Variants in RAD17 observed in about 807,000 individuals in gnomAD.
RAD17 encodes the protein RAD17 checkpoint clamp loader component.
Under a neutral mutation model 81.5 loss-of-function variants are expected in RAD17, and 31 were observed. That is an observed-to-expected ratio of 0.38 (90% confidence interval 0.29 to 0.51). The LOEUF (loss-of-function observed/expected upper bound fraction) is 0.51. RAD17 is among the 20% of genes least tolerant of loss of function. The probability of loss-of-function intolerance (pLI) is 0.88; values close to 1 mark genes in which losing one functional copy is unlikely to be tolerated. For missense variants in RAD17, 681 were observed against 781.2 expected (o/e 0.87, Z 1.53); for synonymous variants, 261 against 266.2 (o/e 0.98, Z 0.19).
At chr5:69,401,420 C>G (rs1016504655) in intron 17 of RAD17, among the ~76,000 whole-genome samples, 3 of 151,994 alleles carry the variant, frequency 2.0e-5, no homozygotes, top group Non-Finnish European at 4.4e-5. Flanking sequence ...CATTTTTTTC[C>G]AATTTGTAAA....
intron 17 of RAD17, among the ~76,000 whole-genome samples, chr5:69,401,453 G>T (rs569497402): frequency 2.4e-4 from 36 of 151,938 alleles, no homozygotes; most frequent in Non-Finnish European, 4.6e-4. Context: ...CCTTATGATG[G>T]ATATTTTGGT....
Position 69,389,029 on chromosome 5 carries a change from T to A in RAD17, c.895-5T>A, listed in dbSNP as rs757736673. On this transcript the variant is annotated splice_region_variant and splice_polypyrimidine_tract_variant and intron_variant, in intron 11 of 18. Transcript: ENST00000354868. ...TTTTTTTTAAATTTAATTTTCTTAT[T>A]TTAGAATGGAGGAAAAATTACTGTC... 3 of 1,428,440 alleles carry A rather than the reference T, an allele frequency of 2.1e-6. No individual in the cohort carries two copies. Among genetic ancestry groups the A allele is most frequent in the Non-Finnish European group, 2.8e-6 (3 of 1,069,834 alleles). The allele number at this position is 1,428,440 out of a possible 1,614,324, so 88.5% of individuals were successfully genotyped here.
At chr5:69,393,873 C>A (rs1248976977) in intron 15 of RAD17, among the ~76,000 whole-genome samples, 1 of 125,750 alleles carries the variant, frequency 8.0e-6, no homozygotes, top group Non-Finnish European at 1.6e-5. Context: ...ACTCCTGTCT[C>A]TAAATTTTCT....
chr5:69,385,181 C>T (rs997866376), intron 8 of RAD17, among the ~76,000 whole-genome samples: 3 of 150,896 alleles, frequency 2.0e-5, no homozygotes, highest in East Asian at 2.0e-4. Flanking sequence ...AGGATGGTCT[C>T]GATCTCCTGA....
chr5:69,377,439 GTATATATATATATATA>G (rs373632198), intron 6 of RAD17, among the ~76,000 whole-genome samples: 27,594 of 55,348 alleles, frequency 0.5, 6,448 homozygotes, highest in Non-Finnish European at 0.57. Flanking sequence ...GTGTGTGTGT[GTATATATATATATATA>G]TATATATATA....
chr5:69,385,264 A>G (rs1764132825), intron 8 of RAD17, among the ~76,000 whole-genome samples: 3 of 114,986 alleles, frequency 2.6e-5, no homozygotes, highest in Non-Finnish European at 5.7e-5. Context: ...CTGGCCTAAA[A>G]TCTTTTTTTT....
upstream of RAD17, chr5:69,369,321 C>T (rs1158566614): frequency 9.2e-6 from 8 of 871,596 alleles, no homozygotes; most frequent in Admixed American, 2.0e-4. Context: ...GGTCGGCTCC[C>T]GGGGCGCTGA....
chr5:69,370,029 C>G, intron 1 of RAD17, 96 bp downstream of exon 1: 1 of 362,628 alleles, frequency 2.8e-6, no homozygotes, highest in South Asian at 4.0e-5. Context: ...GTCGCTCCTC[C>G]TCCCGACCCG....
In RAD17 at chr5:69,397,053, C is replaced by T. The variant is rs1292802944; in HGVS notation, c.1572+507C>T. On this transcript the variant is annotated intron_variant, in intron 16 of 18. Coordinates refer to ENST00000354868, the MANE Select transcript of RAD17 (RefSeq NM_133338.3). ...TTCACCATGTTGGCCAGGTTGGTCT[C>T]GATCTTTGGACCTCATGATCCTCTT... is the stretch of plus-strand genomic sequence containing the variant. Among the ~76,000 whole-genome samples the T allele has an allele frequency of 2.6e-5, 4 of 152,062 alleles. No homozygotes were observed. The South Asian group carries it at 6.2e-4, about 24-fold the overall frequency.
chr5:69,386,771 C>G (rs17229950), intron 11 of RAD17, among the ~76,000 whole-genome samples: 1,830 of 152,166 alleles, frequency 0.012, 16 homozygotes, highest in Non-Finnish European at 0.018. Flanking sequence ...ATCAACAATT[C>G]AACTCTTCCT....
At chr5:69,389,173 C>T in intron 12 of RAD17, 28 bp downstream of exon 12, 1 of 1,367,468 alleles carries the variant, frequency 7.3e-7, no homozygotes, top group Non-Finnish European at 1.0e-6. Context: ...AGTCATGTGG[C>T]ATTATATAGG....
intron 12 of RAD17, among the ~76,000 whole-genome samples, chr5:69,390,174 T>C (rs1046130224): frequency 1.6e-4 from 25 of 152,234 alleles, no homozygotes; most frequent in African/African-American, 4.1e-4. Flanking sequence ...TTAACGTTGA[T>C]AATTGACATC....
chr5:69,369,695 G>A, upstream of RAD17: 3 of 1,553,056 alleles, frequency 1.9e-6, no homozygotes, highest in Non-Finnish European at 2.6e-6. Context: ...AAAGTTGGAG[G>A]GTGGGCATAA....
chr5:69,398,994 GAAACCCC>G (rs901418282), intron 16 of RAD17, among the ~76,000 whole-genome samples: 1 of 151,176 alleles, frequency 6.6e-6, no homozygotes, highest in Non-Finnish European at 1.5e-5. Context: ...GCAATATGGT[GAAACCCC>G]ATCTGTATAA....
chr5:69,408,260 C>A (rs917932462), intron 17 of RAD17, among the ~76,000 whole-genome samples: 1 of 151,736 alleles, frequency 6.6e-6, no homozygotes, highest in African/African-American at 2.4e-5. Context: ...GATTCTCCTC[C>A]TCTGGGGCTT....
At chr5:69,369,311 G>A, upstream of RAD17, 1 of 608,840 alleles carries the variant, frequency 1.6e-6, no homozygotes, top group East Asian at 6.2e-5. Flanking sequence ...CGCCCGCGAG[G>A]GTCGGCTCCC....
intron 3 of RAD17, among the ~76,000 whole-genome samples, 155 bp downstream of exon 3, chr5:69,371,712 C>T (rs1763018383): frequency 6.6e-6 from 1 of 152,086 alleles, no homozygotes; most frequent in African/African-American, 2.4e-5. Context: ...AGTTGTGAAA[C>T]AAGTGTTCTC....
intron 18 of RAD17, among the ~76,000 whole-genome samples, chr5:69,412,198 C>T (rs1766053959): frequency 6.6e-6 from 1 of 152,036 alleles, no homozygotes; most frequent in African/African-American, 2.4e-5. Context: ...CCTCGTGATC[C>T]GCCCACTTCG....
intron 18 of RAD17, 116 bp from the exon 19 acceptor site, chr5:69,413,915 G>A (rs1457409531): frequency 1.6e-6 from 2 of 1,287,610 alleles, no homozygotes; most frequent in Admixed American, 2.2e-5. Flanking sequence ...AAAGGGACTA[G>A]CTAAACAGCA....
Sources: allele counts gnomAD v4.1 joint callset (sites outside exome capture counted in the v4.1 genomes callset), GRCh38; gene constraint gnomAD v4.1.1; transcripts MANE v1.5; gene names NCBI Gene and HGNC (gene_info 2026-07-23, HGNC 2026-07-21).